Variants in SDK1 observed in about 807,000 individuals in gnomAD.
SDK1 encodes sidekick cell adhesion molecule 1.
Under a neutral mutation model 245.5 loss-of-function variants are expected in SDK1, and 157 were observed. The observed-to-expected ratio is 0.64, with a 90% confidence interval of 0.56 to 0.73. SDK1 has a LOEUF of 0.73. SDK1 is among the 30% of genes least tolerant of loss of function. SDK1 has a pLI of 0.00. For missense variants in SDK1, 3,583 were observed against 3,002.3 expected (o/e 1.19, Z -4.52); for synonymous variants, 1,647 against 1,278.5 (o/e 1.29, Z -6.15).
intron 4 of SDK1, among the ~76,000 whole-genome samples, chr7:3,654,889 A>G (rs944478418): frequency 3.3e-5 from 5 of 152,208 alleles, no homozygotes; most frequent in African/African-American, 4.8e-5. Flanking sequence ...TTCTTTACCA[A>G]TATTAGCCCA....
At chr7:3,683,593 C>T (rs1158055965) in intron 4 of SDK1, among the ~76,000 whole-genome samples, 1 of 152,174 alleles carries the variant, frequency 6.6e-6, no homozygotes, top group Non-Finnish European at 1.5e-5. Flanking sequence ...TGGAGCAGCC[C>T]CGTTCCTCCC....
At chr7:4,070,362 G>C (rs936726271) in intron 20 of SDK1, among the ~76,000 whole-genome samples, 3 of 152,188 alleles carry the variant, frequency 2.0e-5, no homozygotes, top group African/African-American at 7.2e-5. Context: ...GCTTTGCAAA[G>C]ACAGGATATA....
chr7:3,321,350 A>G (rs1224155965), intron 1 of SDK1, among the ~76,000 whole-genome samples: 2 of 152,096 alleles, frequency 1.3e-5, no homozygotes, highest in Non-Finnish European at 2.9e-5. Context: ...AGTACTAATG[A>G]CAGAGTCCCA....
At chr7:3,688,484 A>G (rs1055361189) in intron 4 of SDK1, among the ~76,000 whole-genome samples, 1 of 152,270 alleles carries the variant, frequency 6.6e-6, no homozygotes, top group African/African-American at 2.4e-5. Context: ...TAATTAACAC[A>G]AAGCACTTCA....
intron 1 of SDK1, among the ~76,000 whole-genome samples, chr7:3,344,320 T>C (rs890825352): frequency 1.3e-5 from 2 of 152,246 alleles, no homozygotes; most frequent in Non-Finnish European, 2.9e-5. Context: ...TACGTTCACA[T>C]TGTCGTGCAT....
intron 17 of SDK1, among the ~76,000 whole-genome samples, chr7:4,044,011 CAG>C (rs1251902050): frequency 6.6e-6 from 1 of 152,138 alleles, no homozygotes; most frequent in African/African-American, 2.4e-5. Flanking sequence ...TTTCTTTCAG[CAG>C]AGATTGTTCT....
At chr7:3,330,819 A>AC (rs1381012633) in intron 1 of SDK1, among the ~76,000 whole-genome samples, 2 of 151,124 alleles carry the variant, frequency 1.3e-5, no homozygotes, top group East Asian at 1.9e-4. Flanking sequence ...AAAAAAAAAA[A>AC]AAAAAAAAAC....
At chr7:3,411,112 C>A (rs548246954) in intron 1 of SDK1, among the ~76,000 whole-genome samples, 1 of 152,102 alleles carries the variant, frequency 6.6e-6, no homozygotes, top group Non-Finnish European at 1.5e-5. Context: ...AGGAGTGAGG[C>A]TTGGTATTTG....
chr7:4,261,377 C>T (rs1030756695), intron 44 of SDK1, among the ~76,000 whole-genome samples: 1 of 152,200 alleles, frequency 6.6e-6, no homozygotes, highest in Non-Finnish European at 1.5e-5. Flanking sequence ...GAGCTGGCAA[C>T]TCTCCCATCC....
intron 1 of SDK1, among the ~76,000 whole-genome samples, chr7:3,578,410 G>C (rs891486108): frequency 5.3e-5 from 8 of 151,836 alleles, no homozygotes; most frequent in African/African-American, 1.9e-4. Context: ...TACTGATAAG[G>C]GTCTATGTTC....
chr7:3,656,653 C>G (rs1204715849), intron 4 of SDK1, among the ~76,000 whole-genome samples: 1 of 152,048 alleles, frequency 6.6e-6, no homozygotes, highest in Non-Finnish European at 1.5e-5. Flanking sequence ...GTCAGTGGGA[C>G]TCAACCCATA....
At chr7:4,090,020 C>T (rs1781685064) in intron 22 of SDK1, among the ~76,000 whole-genome samples, 1 of 152,190 alleles carries the variant, frequency 6.6e-6, no homozygotes, top group South Asian at 2.1e-4. Flanking sequence ...ATCCCAGTGT[C>T]TTTAGGAGTC....
chr7:4,170,844 A>G (rs1781796837), intron 32 of SDK1, among the ~76,000 whole-genome samples: 1 of 152,268 alleles, frequency 6.6e-6, no homozygotes, highest in Admixed American at 6.5e-5. Context: ...AGCTGGAGAA[A>G]GAGCAAATGA....
intron 5 of SDK1, among the ~76,000 whole-genome samples, chr7:3,947,034 T>C (rs1010625913): frequency 1.2e-4 from 19 of 152,264 alleles, no homozygotes; most frequent in African/African-American, 4.3e-4. Flanking sequence ...GACCTTCTGC[T>C]GTGATGGATG....
chr7:4,166,928 G>A (rs1781534996), intron 32 of SDK1, among the ~76,000 whole-genome samples: 2 of 152,166 alleles, frequency 1.3e-5, no homozygotes, highest in South Asian at 2.1e-4. Context: ...TCAGGCAGCT[G>A]GAAGGAGAGA....
At chr7:3,492,365 G>A (rs556106435) in intron 1 of SDK1, among the ~76,000 whole-genome samples, 2 of 152,136 alleles carry the variant, frequency 1.3e-5, no homozygotes, top group Non-Finnish European at 2.9e-5. Context: ...ATGGTGGCAG[G>A]CACCTGTAGT....
intron 25 of SDK1, among the ~76,000 whole-genome samples, chr7:4,115,989 G>A (rs960304481): frequency 6.6e-5 from 10 of 152,166 alleles, no homozygotes; most frequent in African/African-American, 2.4e-4. Flanking sequence ...GGGGCACAAG[G>A]CCTGTTGGCA....
chr7:3,679,801 C>G (rs1784042833), intron 4 of SDK1, among the ~76,000 whole-genome samples: 1 of 152,178 alleles, frequency 6.6e-6, no homozygotes, highest in African/African-American at 2.4e-5. Flanking sequence ...GTATTGCTAG[C>G]TGCTGTGTAA....
intron 22 of SDK1, among the ~76,000 whole-genome samples, chr7:4,102,974 A>G: frequency 6.9e-6 from 1 of 145,480 alleles, no homozygotes; most frequent in East Asian, 1.9e-4. Context: ...AAAAAAAAAA[A>G]AAGCCGTTCA....
Sources: gnomAD v4.1 joint callset for allele counts (sites outside exome capture counted in the v4.1 genomes callset) on GRCh38, gnomAD v4.1.1 for gene constraint, MANE v1.5 for transcripts, NCBI Gene and HGNC (gene_info 2026-07-23, HGNC 2026-07-21) for gene names.